Variants in SEPTIN7 observed in about 807,000 individuals in gnomAD.
The protein encoded by SEPTIN7 is septin-7.
Under a neutral mutation model 63.3 loss-of-function variants are expected in SEPTIN7, and 10 were observed. That is an observed-to-expected ratio of 0.16 (90% confidence interval 0.10 to 0.27). The LOEUF (loss-of-function observed/expected upper bound fraction) is 0.27, where lower values mean the gene tolerates loss of function less well. SEPTIN7 is among the 10% of genes least tolerant of loss of function. The pLI is 1.00. For missense variants in SEPTIN7, 310 were observed against 521.0 expected (o/e 0.59, Z 3.94); for synonymous variants, 131 against 165.3 (o/e 0.79, Z 1.59).
In SEPTIN7 at chr7:35,906,608, C is replaced by T. The variant is rs979293756; in HGVS notation, c.*2315C>T. 1 of 152,178 alleles carries T rather than the reference C, an allele frequency of 6.6e-6. No individual in the cohort carries two copies. The highest frequency in any genetic ancestry group is 2.4e-5 in the African/African-American group (1 of 41,438). 9.4% of individuals were successfully genotyped at this position (152,178 alleles called of 1,614,324 possible). A position where few individuals can be genotyped will look rare whatever the true frequency, so the allele number is the denominator to read the frequency against. On this transcript the variant is annotated 3_prime_UTR_variant, in exon 14 of 14. Coordinates refer to ENST00000350320, the MANE Select transcript of SEPTIN7 (RefSeq NM_001788.6). ...ATAATACCAGTGAACCACTTGGGCACCTTGTGGGTAGAGTTTTGCTGCCAC... is the reference window on the plus strand; with the variant it reads ...ATAATACCAGTGAACCACTTGGGCATCTTGTGGGTAGAGTTTTGCTGCCAC...
chr7:35,850,162 T>C (rs1459378037), intron 3 of SEPTIN7, among the ~76,000 whole-genome samples: 4 of 152,208 alleles, frequency 2.6e-5, no homozygotes, highest in South Asian at 4.1e-4. Flanking sequence ...TATTTTGAAA[T>C]ACCTCCTGAG....
At chr7:35,819,687 C>G (rs1416317224) in intron 1 of SEPTIN7, among the ~76,000 whole-genome samples, 1 of 152,010 alleles carries the variant, frequency 6.6e-6, no homozygotes, top group Non-Finnish European at 1.5e-5. Context: ...TATAAAATAT[C>G]CTTCTTTGTG....
intron 6 of SEPTIN7, among the ~76,000 whole-genome samples, chr7:35,874,397 GT>G (rs1786344360): frequency 6.6e-6 from 1 of 151,540 alleles, no homozygotes; most frequent in African/African-American, 2.4e-5. Context: ...CCCTTTTTTT[GT>G]TTTTTGTACT....
chr7:35,906,367 G>C lies in SEPTIN7; in HGVS notation c.*2074G>C, dbSNP rs1788608582. 1.3e-5 allele frequency: 2 copies of C among 152,114 alleles called. No individual in the cohort carries two copies. Among genetic ancestry groups the C allele is most frequent in the African/African-American group, 4.8e-5 (2 of 41,416 alleles). 9.4% of individuals were successfully genotyped at this position (152,114 alleles called of 1,614,324 possible). A position where few individuals can be genotyped will look rare whatever the true frequency, so the allele number is the denominator to read the frequency against. ...CTTTTGATTGTTGACTCCAGGCTTA[G>C]GTATATCAGAAGGTTCTTTTTGCCA... On this transcript the variant is annotated 3_prime_UTR_variant, in exon 14 of 14. Coordinates refer to ENST00000350320, the MANE Select transcript of SEPTIN7 (RefSeq NM_001788.6).
chr7:35,847,684 A>T (rs1458166732), intron 3 of SEPTIN7, among the ~76,000 whole-genome samples: 1 of 152,180 alleles, frequency 6.6e-6, no homozygotes, highest in Non-Finnish European at 1.5e-5. Context: ...TTTCATTGTT[A>T]TATTTCTTGT....
At chr7:35,804,470 C>A (rs573214853) in intron 1 of SEPTIN7, among the ~76,000 whole-genome samples, 65 of 152,318 alleles carry the variant, frequency 4.3e-4, no homozygotes, top group African/African-American at 1.5e-3. Context: ...TTGTGACTTA[C>A]ACTTGGTGCA....
chr7:35,819,917 A>G (rs1381169794), intron 1 of SEPTIN7, among the ~76,000 whole-genome samples: 2 of 151,340 alleles, frequency 1.3e-5, no homozygotes, highest in Non-Finnish European at 2.9e-5. Flanking sequence ...AAAATACATT[A>G]GTTACATTTA....
At chr7:35,892,545 C>T (rs1787711505) in intron 11 of SEPTIN7, among the ~76,000 whole-genome samples, 2 of 151,952 alleles carry the variant, frequency 1.3e-5, no homozygotes, top group African/African-American at 2.4e-5. Context: ...AATATATGTA[C>T]TTATTCAATA....
chr7:35,884,045 G>T, intron 9 of SEPTIN7, 58 bp downstream of exon 9: 2 of 1,067,404 alleles, frequency 1.9e-6, no homozygotes, highest in Non-Finnish European at 2.9e-6. Flanking sequence ...TTAAAAATTT[G>T]TATTTATAGT....
chr7:35,898,298 T>C lies in SEPTIN7; in HGVS notation c.1049T>C (p.Met350Thr). The change falls in exon 12 of 14, where the codon ATG becomes ACG. Residue 350 changes from methionine to threonine, a missense_variant. Met to Thr is a moderately conservative substitution (Grantham distance 81). This residue lies in a region of SEPTIN7 where 255 missense variants were observed against 490.5 expected (regional missense o/e 0.52). Transcript: ENST00000350320. ...GAAAGAAGGGAGCATGTAGCTAAAA[T>C]GAAGAAGATGGAGATGGAGATGGAG... ...EEERREHVAK[M>T]KKMEMEMEQV... 1 of 1,551,542 alleles carries C rather than the reference T, an allele frequency of 6.4e-7. No homozygotes were observed. Among genetic ancestry groups the C allele is most frequent in the Non-Finnish European group, 8.7e-7 (1 of 1,146,602 alleles).
intron 11 of SEPTIN7, among the ~76,000 whole-genome samples, chr7:35,894,439 A>G (rs1434984689): frequency 1.3e-5 from 2 of 152,208 alleles, no homozygotes; most frequent in Non-Finnish European, 2.9e-5. Context: ...TTCTTGATAC[A>G]TGACAGAGTT....
intron 9 of SEPTIN7, among the ~76,000 whole-genome samples, chr7:35,884,701 A>C (rs1787118311): frequency 6.6e-6 from 1 of 152,198 alleles, no homozygotes; most frequent in South Asian, 2.1e-4. Flanking sequence ...TTCTTTCCTC[A>C]GTGCAAAAGT....
intron 1 of SEPTIN7, among the ~76,000 whole-genome samples, chr7:35,823,164 T>G (rs1371943042): frequency 6.6e-6 from 1 of 152,212 alleles, no homozygotes; most frequent in African/African-American, 2.4e-5. Flanking sequence ...ACTTCTAAAA[T>G]CTTAATTGTA....
chr7:35,903,263 G>T lies in SEPTIN7; in HGVS notation c.1274+48G>T, dbSNP rs1411181879. On this transcript the variant is annotated intron_variant, in intron 13 of 13. Transcript: ENST00000350320. Reference sequence around the variant, plus strand: ...GAAATGTGTGTATTAATGTTTTAAAGAATTGTTTTCCTACTTATTTAAAAA... The same window carrying T: ...GAAATGTGTGTATTAATGTTTTAAATAATTGTTTTCCTACTTATTTAAAAA... 3.4e-6 allele frequency: 5 copies of T among 1,469,662 alleles called. No individual in the cohort carries two copies. The Admixed American group carries it at 1.2e-4, about 34-fold the overall frequency. 91.0% of individuals were successfully genotyped at this position (1,469,662 alleles called of 1,614,324 possible). A position where few individuals can be genotyped will look rare whatever the true frequency, so the allele number is the denominator to read the frequency against.
chr7:35,808,467 T>C (rs1243973873), intron 1 of SEPTIN7, among the ~76,000 whole-genome samples: 1 of 152,192 alleles, frequency 6.6e-6, no homozygotes, highest in African/African-American at 2.4e-5. Context: ...TTACATGATA[T>C]CTCAGTCTGT....
chr7:35,880,223 C>CT, intron 7 of SEPTIN7, among the ~76,000 whole-genome samples: 1,907 of 72,808 alleles, frequency 0.026, 43 homozygotes, highest in African/African-American at 0.056. Context: ...TTTTTCTTTT[C>CT]TTTTTTTTTT....
At chr7:35,829,108 C>T (rs1380870217) in intron 1 of SEPTIN7, among the ~76,000 whole-genome samples, 1 of 141,798 alleles carries the variant, frequency 7.1e-6, no homozygotes, top group East Asian at 2.1e-4. Flanking sequence ...TACTTCACTT[C>T]ATTATAGTTC....
chr7:35,820,382 C>G (rs1348614560), intron 1 of SEPTIN7, among the ~76,000 whole-genome samples: 1 of 152,000 alleles, frequency 6.6e-6, no homozygotes, highest in Admixed American at 6.6e-5. Context: ...CCTTCCCTCC[C>G]TTACTTCATG....
At chr7:35,915,043 GTA>G in the SEPTIN7 span, among the ~76,000 whole-genome samples, 13 of 149,550 alleles carry the variant, frequency 8.7e-5, no homozygotes, top group South Asian at 2.6e-3. Flanking sequence ...GTACATATAT[GTA>G]TATATGTATA....
Sources: allele counts gnomAD v4.1 joint callset (sites outside exome capture counted in the v4.1 genomes callset), GRCh38; gene constraint gnomAD v4.1.1; regional missense constraint gnomAD v4.1.1; transcripts MANE v1.5; gene names NCBI Gene and HGNC (gene_info 2026-07-23, HGNC 2026-07-21).